The following MGAT5B variants were observed in gnomAD, a reference collection of about 807,000 sequenced individuals.
MGAT5B encodes alpha-1,6-mannosylglycoprotein 6-beta-N-acetylglucosaminyltransferase B.
Under a neutral mutation model 95.1 loss-of-function variants are expected in MGAT5B, and 54 were observed. The observed-to-expected ratio is 0.57, with a 90% confidence interval of 0.46 to 0.71. MGAT5B has a LOEUF of 0.71. MGAT5B is among the 30% of genes least tolerant of loss of function. MGAT5B has a pLI of 0.00. For synonymous variants in MGAT5B, 464 were observed against 451.0 expected (o/e 1.03, Z -0.36); for missense variants, 935 against 1,088.6 (o/e 0.86, Z 1.99).
chr17:76,872,854 T>C lies in MGAT5B; in HGVS notation c.72T>C (p.Leu24=). Residue 24 remains leucine (L), a synonymous_variant, in exon 2 of 18, where the codon CTT becomes CTC. Transcript: ENST00000569840. ...CCCGCCTCCTTCCTCTCCGCAGGCT[T>C]TTTGTCCTGGGCATCGGCTTCTTCA... ...RCLVTLRPFR[L]FVLGIGFFTL... 1.2e-6 allele frequency: 2 copies of C among 1,614,192 alleles called. No individual in the cohort carries two copies.
chr17:76,871,659 G>A (rs1967016737), intron 1 of MGAT5B, among the ~76,000 whole-genome samples: 1 of 152,372 alleles, frequency 6.6e-6, no homozygotes, highest in Non-Finnish European at 1.5e-5. Context: ...ACACAAACAA[G>A]CATGGAACTT....
chr17:76,902,679 C>A lies in MGAT5B; in HGVS notation c.445+9C>A. The A allele has an allele frequency of 6.4e-7, 1 of 1,556,126 alleles. No homozygotes were observed. Among genetic ancestry groups the A allele is most frequent in the Non-Finnish European group, 8.7e-7 (1 of 1,147,174 alleles). On this transcript the variant is annotated intron_variant, in intron 4 of 17. Coordinates refer to ENST00000569840, the MANE Select transcript of MGAT5B (RefSeq NM_001199172.2). The stretch of plus-strand genomic sequence containing the variant: ...GCTCCTGCACAGCAAGGGTGGGTGC[C>A]AGGGGGCGGGGGTACCCTCTACCCC...
At chr17:76,898,621 G>T (rs545031598) in intron 3 of MGAT5B, among the ~76,000 whole-genome samples, 346 of 152,130 alleles carry the variant, frequency 2.3e-3, no homozygotes, top group Non-Finnish European at 4.1e-3. Flanking sequence ...TTTTTATTTG[G>T]CTTATCATGC....
chr17:76,896,454 T>C (rs556569), intron 3 of MGAT5B, among the ~76,000 whole-genome samples: 27,238 of 152,182 alleles, frequency 0.18, 3,562 homozygotes, highest in African/African-American at 0.36. Context: ...GTAAAGTGCT[T>C]TGCTTTGTAG....
In MGAT5B at chr17:76,905,135, G is replaced by A; in HGVS notation, c.691-34G>A. ...CGGGGAATGATGGTGGCCGCAGGTTGAGGGGCAGAGAGCTGAGGTCTGGAC... is the reference window on the plus strand; with the variant it reads ...CGGGGAATGATGGTGGCCGCAGGTTAAGGGGCAGAGAGCTGAGGTCTGGAC... On this transcript the variant is annotated intron_variant, in intron 6 of 17. Coordinates refer to ENST00000569840, the MANE Select transcript of MGAT5B (RefSeq NM_001199172.2). This position sits in a 1 kb window ranked among gnomAD's most constrained non-coding sequence, Gnocchi z 4.2. 1 of 1,575,188 alleles carries A rather than the reference G, an allele frequency of 6.3e-7. No homozygotes were observed. The highest frequency in any genetic ancestry group is 8.7e-7 in the Non-Finnish European group (1 of 1,154,168).
At chr17:76,902,908 C>T (rs1733659368) in intron 4 of MGAT5B, among the ~76,000 whole-genome samples, 1 of 152,168 alleles carries the variant, frequency 6.6e-6, no homozygotes, top group Non-Finnish European at 1.5e-5. Flanking sequence ...CTTCTGGGGT[C>T]CACAGTTCCA....
chr17:76,910,066 G>T (rs1968676634), intron 8 of MGAT5B, among the ~76,000 whole-genome samples: 1 of 152,162 alleles, frequency 6.6e-6, no homozygotes, highest in Admixed American at 6.5e-5. Flanking sequence ...TCCAGGAGCT[G>T]CAAGGAACCC....
At chr17:76,946,238 T>G (rs1599012730) in intron 15 of MGAT5B, 138 bp from the exon 16 acceptor site, 2 of 636,138 alleles carry the variant, frequency 3.1e-6, no homozygotes, top group Non-Finnish European at 2.6e-6. Flanking sequence ...AAGGGCCAGG[T>G]GGATGGGGTG....
intron 3 of MGAT5B, among the ~76,000 whole-genome samples, chr17:76,900,981 G>A (rs1429028392): frequency 6.6e-6 from 1 of 151,130 alleles, no homozygotes; most frequent in Middle Eastern, 3.2e-3. Context: ...GCATGTGTGT[G>A]TGCATGTGTG....
intron 3 of MGAT5B, among the ~76,000 whole-genome samples, chr17:76,893,557 G>C (rs1967958901): frequency 6.6e-6 from 1 of 152,236 alleles, no homozygotes; most frequent in African/African-American, 2.4e-5. Flanking sequence ...GGGCTCAGGG[G>C]CATCTGCACC....
intron 17 of MGAT5B, 114 bp downstream of exon 17, chr17:76,948,200 T>C (rs1377182063): frequency 3.5e-6 from 5 of 1,447,160 alleles, no homozygotes; most frequent in Non-Finnish European, 4.5e-6. Flanking sequence ...TGGGGGGATG[T>C]AATGCTTTCC....
chr17:76,904,830 T>A (rs1968461295), intron 6 of MGAT5B, among the ~76,000 whole-genome samples: 1 of 152,228 alleles, frequency 6.6e-6, no homozygotes, highest in South Asian at 2.1e-4. Flanking sequence ...GGCGCATAGT[T>A]GCTGTGGTGG....
In MGAT5B at chr17:76,947,856, C is replaced by G; in HGVS notation, c.1950C>G (p.Ala650=). 1.9e-6 allele frequency: 3 copies of G among 1,589,408 alleles called. No homozygotes were observed. The highest frequency in any genetic ancestry group is 2.6e-6 in the Non-Finnish European group (3 of 1,164,254). The stretch of plus-strand genomic sequence containing the variant: ...ACTTCTGCAGAGCTCCAGACCCTGC[C>G]CTACCAGAGGCCCACGCCCCGCAGA... ...HQDFCRAPDP[A]LPEAHAPQSP... Residue 650 remains alanine (A), a synonymous_variant, in exon 17 of 18, where the codon GCC becomes GCG. Coordinates refer to ENST00000569840, the MANE Select transcript of MGAT5B (RefSeq NM_001199172.2).
chr17:76,876,885 C>T (rs993892101), intron 2 of MGAT5B, among the ~76,000 whole-genome samples: 2 of 152,222 alleles, frequency 1.3e-5, no homozygotes, highest in African/African-American at 4.8e-5. Flanking sequence ...GGCATTGCCC[C>T]CTCCCAGGCA....
intron 4 of MGAT5B, among the ~76,000 whole-genome samples, 196 bp from the exon 5 acceptor site, chr17:76,903,107 T>A (rs2145187753): frequency 6.6e-6 from 1 of 152,296 alleles, no homozygotes; most frequent in East Asian, 1.9e-4. Context: ...AGCTCCTCAC[T>A]GCATCTGAAC....
At chr17:76,879,597 T>A (rs753244926) in intron 2 of MGAT5B, among the ~76,000 whole-genome samples, 1 of 151,908 alleles carries the variant, frequency 6.6e-6, no homozygotes, top group Non-Finnish European at 1.5e-5. Context: ...GCGGCCACAA[T>A]ACCAGTGGTG....
rs758106077 is a variant in MGAT5B at position 76,872,937 on chromosome 17, A to C, written c.155A>C (p.Asp52Ala). Residue 52 changes from aspartate to alanine, a missense_variant, in exon 2 of 18, where the codon GAC (aspartate) becomes GCC (alanine). Physicochemically the swap from Asp to Ala is moderately radical, Grantham distance 126 (BLOSUM62 -2). Around this residue, in one of 4 missense-constraint regions of MGAT5B, gnomAD observed 243 missense variants for 228.2 expected, o/e 1.06. Transcript: ENST00000569840. ...GGQFSARRLG[D>A]SPFTIRTEVM... The stretch of plus-strand genomic sequence containing the variant: ...CAGTTCTCGGCCCGGCGCCTGGGGG[A>C]CTCGCCATTCACCATCCGCACAGAA... 5.0e-6 allele frequency: 8 copies of C among 1,613,242 alleles called. No individual in the cohort carries two copies. The South Asian group carries it at 8.8e-5, about 18-fold the overall frequency.
At position 76,949,494 on chromosome 17, in the gene MGAT5B, GA is replaced by G; in HGVS notation, c.*657del. 7.0e-6 allele frequency: 1 copy of G among 143,746 alleles called. No homozygotes were observed. The highest frequency in any genetic ancestry group is 1.5e-5 in the Non-Finnish European group (1 of 64,610). 8.9% of individuals were successfully genotyped at this position (143,746 alleles called of 1,614,324 possible). A position where few individuals can be genotyped will look rare whatever the true frequency, so the allele number is the denominator to read the frequency against. ...TTAGTCCCTTCCCTCCCGATTTCCCGATTCCCCCACCCTCCCTCTACACTTG... is the reference window on the plus strand; with the variant it reads ...TTAGTCCCTTCCCTCCCGATTTCCCGTTCCCCCACCCTCCCTCTACACTTG... On this transcript the variant is annotated 3_prime_UTR_variant, in exon 18 of 18. Coordinates refer to ENST00000569840, the MANE Select transcript of MGAT5B (RefSeq NM_001199172.2).
chr17:76,924,925 G>A lies in MGAT5B; in HGVS notation c.1026-41G>A, dbSNP rs1969250347. The A allele has an allele frequency of 1.9e-6, 3 of 1,609,482 alleles. No individual in the cohort carries two copies. In the Admixed American group the frequency reaches 5.0e-5, roughly 27 times the overall value. On this transcript the variant is annotated intron_variant, in intron 8 of 17. Coordinates refer to ENST00000569840, the MANE Select transcript of MGAT5B (RefSeq NM_001199172.2). ...AACTGGGGTGGCCGGTTGGGCAGGT[G>A]GGTTTCTTGGGGCCCAGAATCTGAA...
Sources: gnomAD v4.1 joint callset for allele counts (sites outside exome capture counted in the v4.1 genomes callset) on GRCh38, gnomAD v4.1.1 for gene constraint, gnomAD v4.1.1 regional missense constraint, Gnocchi (gnomAD v3.1) non-coding constraint, MANE v1.5 for transcripts, NCBI Gene and HGNC (gene_info 2026-07-23, HGNC 2026-07-21) for gene names.